Variants in NPAS3 observed in about 807,000 individuals in gnomAD.
NPAS3 encodes neuronal PAS domain-containing protein 3.
Under a neutral mutation model 73.1 loss-of-function variants are expected in NPAS3, and 14 were observed. That is an observed-to-expected ratio of 0.19 (90% CI 0.13 to 0.30). The LOEUF is 0.30. NPAS3 is among the 10% of genes least tolerant of loss of function. The probability of loss-of-function intolerance (pLI) is 1.00; values close to 1 mark genes in which losing one functional copy is unlikely to be tolerated. For missense variants in NPAS3, 1,096 were observed against 1,250.0 expected, an observed-to-expected ratio of 0.88 and a Z score of 1.86; for synonymous variants, 620 against 541.5, an observed-to-expected ratio of 1.14 and a Z score of -2.01.
intron 4 of NPAS3, among the ~76,000 whole-genome samples, chr14:33,424,442 ATAG>A (rs577504515): frequency 4.3e-4 from 65 of 152,018 alleles, no homozygotes; most frequent in Non-Finnish European, 2.9e-4. Context: ...TACTTTAACT[ATAG>A]TCAGAGAAGG....
At chr14:33,694,457 T>C (rs1160792165) in intron 6 of NPAS3, among the ~76,000 whole-genome samples, 1 of 152,148 alleles carries the variant, frequency 6.6e-6, no homozygotes, top group Non-Finnish European at 1.5e-5. Context: ...TAACATTTCC[T>C]CTCCTGGTGT....
chr14:33,265,608 G>A (rs2049141955), intron 3 of NPAS3, among the ~76,000 whole-genome samples: 1 of 152,098 alleles, frequency 6.6e-6, no homozygotes, highest in Admixed American at 6.5e-5. Context: ...TCTCACACCA[G>A]TACTAGCGGG....
chr14:33,800,872 C>G lies in NPAS3; in HGVS notation c.2565C>G (p.Asp855Glu), dbSNP rs537106722. The G allele has an allele frequency of 6.2e-7, 1 of 1,606,028 alleles. No homozygotes were observed. Among genetic ancestry groups the G allele is most frequent in the South Asian group, 1.1e-5 (1 of 89,302 alleles). ...ACGCGCACGCTGTTAACTTCGTGGA[C>G]GTTAACAGCCCCGGCTTTGGCCTCG... The change falls in exon 12 of 12, where the codon GAC becomes GAG. Residue 855 changes from aspartate to glutamate, a missense_variant. Physicochemically the swap from Asp to Glu is conservative, Grantham distance 45 (BLOSUM62 2). This residue lies in a region of NPAS3 where 698 missense variants were observed against 676.7 expected (regional missense o/e 1.03). Coordinates refer to ENST00000356141, the Ensembl canonical transcript of NPAS3. The surrounding 1 kb of genome is among the most constrained non-coding windows in gnomAD (Gnocchi z 6.5).
chr14:33,504,166 T>A (rs1225884939), intron 4 of NPAS3, among the ~76,000 whole-genome samples: 1 of 151,998 alleles, frequency 6.6e-6, no homozygotes, highest in Non-Finnish European at 1.5e-5. Flanking sequence ...GACTTACCAG[T>A]GGATCTCAAG....
intron 5 of NPAS3, among the ~76,000 whole-genome samples, chr14:33,570,349 G>A (rs2056152132): frequency 6.6e-6 from 1 of 152,158 alleles, no homozygotes; most frequent in African/African-American, 2.4e-5. Context: ...TAGTTGTCCA[G>A]GGTCACTTCA....
At chr14:33,202,412 AAGAG>A (rs1294746796) in intron 2 of NPAS3, among the ~76,000 whole-genome samples, 4 of 152,200 alleles carry the variant, frequency 2.6e-5, no homozygotes, top group South Asian at 2.1e-4. Flanking sequence ...TAAAAAAAAA[AAGAG>A]AGAAATGTTA....
chr14:33,686,972 A>AC (rs1293682687), intron 6 of NPAS3, among the ~76,000 whole-genome samples: 2 of 152,228 alleles, frequency 1.3e-5, no homozygotes, highest in Non-Finnish European at 2.9e-5. Context: ...AAACAAACAA[A>AC]AAAAGTCATT....
At chr14:33,605,517 A>G (rs1024815246) in intron 5 of NPAS3, among the ~76,000 whole-genome samples, 1 of 152,176 alleles carries the variant, frequency 6.6e-6, no homozygotes, top group African/African-American at 2.4e-5. Flanking sequence ...TACTAGAACT[A>G]ATAAATGAAT....
chr14:33,615,599 A>G (rs1679335814), intron 5 of NPAS3, among the ~76,000 whole-genome samples: 1 of 152,220 alleles, frequency 6.6e-6, no homozygotes, highest in African/African-American at 2.4e-5. Context: ...GATTATTTCC[A>G]CTGTAGTCCT....
At chr14:33,714,516 G>A (rs1442721552) in intron 6 of NPAS3, among the ~76,000 whole-genome samples, 1 of 152,134 alleles carries the variant, frequency 6.6e-6, no homozygotes, top group East Asian at 1.9e-4. Flanking sequence ...GCTGGGCACA[G>A]GAAGATGGAT....
chr14:33,622,741 A>G lies in NPAS3; in HGVS notation c.559-53470A>G, dbSNP rs190725111. Among the ~76,000 whole-genome samples the G allele has an allele frequency of 3.1e-3, 476 of 152,334 alleles. 1 individual carries two copies. The highest frequency in any genetic ancestry group is 0.011 in the African/African-American group (440 of 41,576). On this transcript the variant is annotated intron_variant, in intron 5 of 11. Transcript: ENST00000356141. ...ATTATACAAACTTCATCAAATTGTA[A>G]AAAGCTTTGATGTCTCAAGCTGTTC...
chr14:33,719,755 G>T (rs917641100), intron 6 of NPAS3, among the ~76,000 whole-genome samples: 2 of 152,148 alleles, frequency 1.3e-5, no homozygotes, highest in Non-Finnish European at 2.9e-5. Flanking sequence ...CACTGAGCTA[G>T]TGACATTAGG....
At chr14:33,502,434 G>T (rs2052562490) in intron 4 of NPAS3, among the ~76,000 whole-genome samples, 1 of 151,828 alleles carries the variant, frequency 6.6e-6, no homozygotes, top group Admixed American at 6.6e-5. Flanking sequence ...GCTCTTCGTT[G>T]GGGAGAGCCC....
chr14:33,096,006 G>A (rs2042408746), intron 2 of NPAS3, among the ~76,000 whole-genome samples: 1 of 150,474 alleles, frequency 6.6e-6, no homozygotes, highest in Non-Finnish European at 1.5e-5. Flanking sequence ...TTTGTGTGAA[G>A]GTGATCCCAG....
chr14:33,702,190 T>C (rs1283572623), intron 6 of NPAS3, among the ~76,000 whole-genome samples: 1 of 152,238 alleles, frequency 6.6e-6, no homozygotes, highest in Non-Finnish European at 1.5e-5. Flanking sequence ...GCAAATGGTA[T>C]TGGTCATCCA....
intron 2 of NPAS3, among the ~76,000 whole-genome samples, chr14:33,179,615 T>C (rs917197364): frequency 6.6e-6 from 1 of 152,190 alleles, no homozygotes; most frequent in Non-Finnish European, 1.5e-5. Context: ...CTCCTAAATC[T>C]ATATTATTAT....
At chr14:33,417,433 A>G (rs1262219189) in intron 4 of NPAS3, among the ~76,000 whole-genome samples, 2 of 152,040 alleles carry the variant, frequency 1.3e-5, no homozygotes, top group Non-Finnish European at 2.9e-5. Context: ...ATTGCATGAC[A>G]CAGGGTGTCG....
chr14:33,565,606 T>A (rs959894115), intron 5 of NPAS3, among the ~76,000 whole-genome samples: 1 of 152,162 alleles, frequency 6.6e-6, no homozygotes, highest in Non-Finnish European at 1.5e-5. Flanking sequence ...GATATATATA[T>A]TTCTTTAGTG....
At chr14:33,678,743 A>G (rs1434792487) in intron 6 of NPAS3, among the ~76,000 whole-genome samples, 5 of 95,946 alleles carry the variant, frequency 5.2e-5, no homozygotes, top group African/African-American at 2.1e-4. Context: ...GTTGACAGTG[A>G]GACTTTGGGA....
Sources: gnomAD v4.1 joint callset for allele counts (sites outside exome capture counted in the v4.1 genomes callset) on GRCh38, gnomAD v4.1.1 for gene constraint, gnomAD v4.1.1 regional missense constraint, Gnocchi (gnomAD v3.1) non-coding constraint, MANE v1.5 for transcripts, NCBI Gene and HGNC (gene_info 2026-07-23, HGNC 2026-07-21) for gene names.